PPP2R5A: variants seen among roughly 807,000 people sequenced by gnomAD.
PPP2R5A encodes protein phosphatase 2 regulatory subunit B'alpha.
In PPP2R5A, 25 loss-of-function variants were observed where a neutral mutation model predicts 64.2. That is an observed-to-expected ratio of 0.39 (90% CI 0.28 to 0.54). The LOEUF is 0.54. Ranked by LOEUF, PPP2R5A falls within the 20% of genes least tolerant of loss-of-function variation. The probability of loss-of-function intolerance (pLI) is 0.67; values close to 1 mark genes in which losing one functional copy is unlikely to be tolerated. For missense variants in PPP2R5A, 425 were observed against 576.3 expected (o/e 0.74, Z 2.69); for synonymous variants, 198 against 201.2 (o/e 0.98, Z 0.13).
chr1:212,321,915 C>T (rs1381797635), intron 1 of PPP2R5A, among the ~76,000 whole-genome samples: 4 of 151,600 alleles, frequency 2.6e-5, no homozygotes, highest in Non-Finnish European at 4.4e-5. Flanking sequence ...ACTGAGTGAA[C>T]GCGACTCCGT....
chr1:212,356,673 A>G lies in PPP2R5A; in HGVS notation c.975A>G (p.Lys325=), dbSNP rs778875401. 3 of 1,613,176 alleles carry G rather than the reference A, an allele frequency of 1.9e-6. No homozygotes were observed. The highest frequency in any genetic ancestry group is 2.2e-5 in the South Asian group (2 of 90,894). The change falls in exon 9 of 13, where the codon AAA becomes AAG. Residue 325 remains lysine, a synonymous_variant. Coordinates refer to ENST00000261461, the MANE Select transcript of PPP2R5A (RefSeq NM_006243.4). ...LKFWPKTCSQ[K]EVMFLGEIEE... is the part of the protein sequence containing the mutation. ...TTTGGCCAAAAACCTGCAGTCAGAAAGAGGTGGGTTTTGTTCACTAAATGT... is the reference window on the plus strand; with the variant it reads ...TTTGGCCAAAAACCTGCAGTCAGAAGGAGGTGGGTTTTGTTCACTAAATGT...
chr1:212,341,533 G>A (rs2102440266), intron 3 of PPP2R5A, among the ~76,000 whole-genome samples: 1 of 152,208 alleles, frequency 6.6e-6, no homozygotes, highest in Admixed American at 6.5e-5. Flanking sequence ...CACTGGGAAG[G>A]AACATCTTCC....
At chr1:212,332,056 A>AAGGACAAC (rs1169955020) in intron 2 of PPP2R5A, among the ~76,000 whole-genome samples, 2 of 152,212 alleles carry the variant, frequency 1.3e-5, no homozygotes, top group African/African-American at 4.8e-5. Flanking sequence ...TCAAGGACAA[A>AAGGACAAC]TTCTACGCTC....
chr1:212,330,304 GA>G (rs1659481151), intron 2 of PPP2R5A, among the ~76,000 whole-genome samples: 1 of 151,738 alleles, frequency 6.6e-6, no homozygotes. Flanking sequence ...TGAGGTGGGA[GA>G]ATCACTTGAG....
In PPP2R5A at chr1:212,286,082, C is replaced by T. The variant is rs762486942; in HGVS notation, c.-29C>T. On this transcript the variant is annotated 5_prime_UTR_variant, in exon 1 of 13. Coordinates refer to ENST00000261461, the MANE Select transcript of PPP2R5A (RefSeq NM_006243.4). ...CTGCCCGTGCCTTGCAAGCAGCAGC[C>T]GGAGCTGCCAAGCGTCAGGGCCGCG... is the stretch of plus-strand genomic sequence containing the variant. 2 of 1,519,668 alleles carry T rather than the reference C, an allele frequency of 1.3e-6. No homozygotes were observed. The highest frequency in any genetic ancestry group is 2.0e-5 in the Admixed American group (1 of 49,778). 94.1% of individuals were successfully genotyped at this position (1,519,668 alleles called of 1,614,324 possible).
At chr1:212,356,865 C>T (rs1659986024) in intron 9 of PPP2R5A, 85 bp from the exon 10 acceptor site, 13 of 1,320,810 alleles carry the variant, frequency 9.8e-6, no homozygotes, top group African/African-American at 1.5e-5. Flanking sequence ...GTATACTATG[C>T]AGATTAACCT....
chr1:212,319,953 T>G (rs1354438080), intron 1 of PPP2R5A, among the ~76,000 whole-genome samples: 88 of 149,240 alleles, frequency 5.9e-4, no homozygotes, highest in Non-Finnish European at 1.1e-3. Flanking sequence ...GATTGTTTTT[T>G]TTTTTTTTTT....
intron 1 of PPP2R5A, among the ~76,000 whole-genome samples, chr1:212,325,827 T>C (rs1007876018): frequency 6.6e-6 from 1 of 152,198 alleles, no homozygotes; most frequent in African/African-American, 2.4e-5. Context: ...GTATCTCGTT[T>C]AGTGTGTAGT....
In PPP2R5A at chr1:212,320,961, G is replaced by A. The variant is rs866375815; in HGVS notation, c.182-8174G>A. On this transcript the variant is annotated intron_variant, in intron 1 of 12. Coordinates refer to ENST00000261461, the MANE Select transcript of PPP2R5A (RefSeq NM_006243.4). ...GGGCTGACCCCCCCGCCTCCCTCCC[G>A]GACGGGGCGGCTGGCCGGGCAGAGG... Among the ~76,000 whole-genome samples, 55 of 86,076 alleles carry A rather than the reference G, an allele frequency of 6.4e-4. 1 individual carries two copies. Among genetic ancestry groups the A allele is most frequent in the Middle Eastern group, 0.013 (1 of 76 alleles). The allele number at this position is 86,076 out of a possible 152,430, so 56.5% of individuals were successfully genotyped here.
Position 212,349,264 on chromosome 1 carries a change from A to T in PPP2R5A, c.927+22A>T, listed in dbSNP as rs199803955. The T allele has an allele frequency of 8.5e-6, 13 of 1,537,382 alleles. No homozygotes were observed. In the East Asian group the frequency reaches 3.0e-4, roughly 35 times the overall value. Reference sequence around the variant, plus strand: ...GCCAGTAAGTGTTCTATTTATTTTCATGTTTTTGGTCTGCATTAATAGCAT... The same window carrying T: ...GCCAGTAAGTGTTCTATTTATTTTCTTGTTTTTGGTCTGCATTAATAGCAT... On this transcript the variant is annotated intron_variant, in intron 8 of 12. Transcript: ENST00000261461.
intron 1 of PPP2R5A, chr1:212,313,765 A>C (rs1368863799): frequency 6.7e-6 from 1 of 150,360 alleles, no homozygotes; most frequent in East Asian, 1.9e-4. Context: ...TTTTTTCCTC[A>C]GTGGTCTGTG....
At chr1:212,345,325 A>C (rs1659756754) in intron 4 of PPP2R5A, among the ~76,000 whole-genome samples, 1 of 152,200 alleles carries the variant, frequency 6.6e-6, no homozygotes, top group African/African-American at 2.4e-5. Flanking sequence ...TTGTAAATTC[A>C]CAAAAAGAAG....
intron 1 of PPP2R5A, among the ~76,000 whole-genome samples, chr1:212,312,851 G>A (rs1443531908): frequency 2.0e-5 from 3 of 151,974 alleles, no homozygotes; most frequent in Non-Finnish European, 4.4e-5. Context: ...AATTGAATTT[G>A]AAATATATAA....
intron 1 of PPP2R5A, among the ~76,000 whole-genome samples, chr1:212,315,641 A>G (rs1005739378): frequency 6.6e-5 from 10 of 152,218 alleles, no homozygotes; most frequent in Admixed American, 4.6e-4. Context: ...ATACTCAACT[A>G]TGTAGATTTT....
intron 8 of PPP2R5A, 98 bp from the exon 9 acceptor site, chr1:212,356,528 C>T (rs1558156402): frequency 1.8e-6 from 2 of 1,124,514 alleles, no homozygotes; most frequent in East Asian, 5.0e-5. Context: ...TATTGATTTA[C>T]TTCAGAATGA....
chr1:212,357,412 G>A (rs1465183479), intron 11 of PPP2R5A, 128 bp downstream of exon 11: 1 of 862,118 alleles, frequency 1.2e-6, no homozygotes, highest in Non-Finnish European at 1.7e-6. Context: ...AACATCAGTT[G>A]TATTCTATTC....
chr1:212,291,168 G>A (rs1043930953), intron 1 of PPP2R5A, among the ~76,000 whole-genome samples: 2 of 151,934 alleles, frequency 1.3e-5, no homozygotes, highest in African/African-American at 4.8e-5. Context: ...GAGTGCAGTG[G>A]CACGATCTCT....
chr1:212,311,028 G>A (rs1286347126), intron 1 of PPP2R5A, among the ~76,000 whole-genome samples: 1 of 152,172 alleles, frequency 6.6e-6, no homozygotes, highest in Admixed American at 6.5e-5. Context: ...GGTCCATGAC[G>A]TGGTATATAG....
chr1:212,306,183 C>G (rs553723183), intron 1 of PPP2R5A, among the ~76,000 whole-genome samples: 45 of 151,782 alleles, frequency 3.0e-4, no homozygotes, highest in East Asian at 3.9e-4. Context: ...AGGGTGGGCA[C>G]GTAAAGGAAA....
Sources: gnomAD v4.1 joint callset for allele counts (sites outside exome capture counted in the v4.1 genomes callset) on GRCh38, gnomAD v4.1.1 for gene constraint, MANE v1.5 for transcripts, NCBI Gene and HGNC (gene_info 2026-07-23, HGNC 2026-07-21) for gene names.